The following GLIS3 variants were observed in gnomAD, a reference collection of about 807,000 sequenced individuals.
GLIS3 encodes zinc finger protein GLIS3.
In GLIS3, 53 loss-of-function variants were observed where a neutral mutation model predicts 78.6. The observed-to-expected ratio is 0.67, with a 90% CI of 0.54 to 0.85. GLIS3 has a LOEUF of 0.85. Among genes scored for constraint, GLIS3 ranks in the 40% least tolerant of loss-of-function variants. The pLI, the probability that GLIS3 is intolerant of heterozygous loss-of-function variation, is 0.00. For missense variants in GLIS3, 1,703 were observed against 1,231.1 expected (o/e 1.38, Z -5.74); for synonymous variants, 684 against 509.9 (o/e 1.34, Z -4.60).
intron 2 of GLIS3, among the ~76,000 whole-genome samples, chr9:4,140,452 G>A (rs1230098706): frequency 6.6e-6 from 1 of 152,164 alleles, no homozygotes; most frequent in African/African-American, 2.4e-5. Context: ...TCCATATTCT[G>A]CATGGGCTTG....
chr9:4,251,213 G>C lies in GLIS3; in HGVS notation c.388+34825C>G, dbSNP rs572767677. Among the ~76,000 whole-genome samples, 130 of 152,262 alleles carry C rather than the reference G, an allele frequency of 8.5e-4. 1 individual carries two copies. Among genetic ancestry groups the C allele is most frequent in the African/African-American group, 2.3e-3 (97 of 41,534 alleles). The stretch of plus-strand genomic sequence containing the variant: ...CTAATATTGGCAGTGTGCTGTTATA[G>C]TCTCCCACTACTATTATTTCGGACT... On this transcript the variant is annotated intron_variant, in intron 2 of 10. Coordinates refer to ENST00000381971, the MANE Select transcript of GLIS3 (RefSeq NM_001042413.2).
intron 5 of GLIS3, among the ~76,000 whole-genome samples, chr9:3,933,478 T>G (rs1825734531): frequency 1.3e-5 from 2 of 152,234 alleles, no homozygotes; most frequent in African/African-American, 4.8e-5. Context: ...CTATGACTCT[T>G]CAGTTGTGAG....
chr9:4,379,080 C>A, the GLIS3 span, among the ~76,000 whole-genome samples: 2 of 152,172 alleles, frequency 1.3e-5, no homozygotes, highest in Non-Finnish European at 1.5e-5. Context: ...TGCAGCCTCT[C>A]GGCCGTGTCG....
the GLIS3 span, among the ~76,000 whole-genome samples, chr9:4,368,545 G>A: frequency 6.6e-6 from 1 of 152,138 alleles, no homozygotes; most frequent in Non-Finnish European, 1.5e-5. Flanking sequence ...TAGAGACGGG[G>A]TTTCACCGTG....
chr9:4,339,532 G>C (rs530173132), intron 2 of GLIS3, among the ~76,000 whole-genome samples: 26 of 151,632 alleles, frequency 1.7e-4, no homozygotes, highest in South Asian at 6.3e-4. Context: ...AATAGGTGCA[G>C]AGGTTTGGAT....
At chr9:4,084,481 G>T (rs915587158) in intron 4 of GLIS3, among the ~76,000 whole-genome samples, 3 of 152,120 alleles carry the variant, frequency 2.0e-5, no homozygotes, top group Non-Finnish European at 4.4e-5. Flanking sequence ...AACAGCCACG[G>T]GAAAGGACTT....
chr9:4,052,074 A>C (rs1202074722), intron 4 of GLIS3, among the ~76,000 whole-genome samples: 2 of 152,232 alleles, frequency 1.3e-5, no homozygotes, highest in African/African-American at 4.8e-5. Flanking sequence ...AAAAGAATCA[A>C]TGGAGAGATG....
chr9:4,231,138 T>C (rs1019352286), intron 2 of GLIS3, among the ~76,000 whole-genome samples: 3 of 152,236 alleles, frequency 2.0e-5, no homozygotes, highest in South Asian at 2.1e-4. Context: ...AGCATCCATT[T>C]AAACAATTAT....
chr9:3,999,117 T>G (rs1284278925), intron 4 of GLIS3, among the ~76,000 whole-genome samples: 4 of 152,166 alleles, frequency 2.6e-5, no homozygotes, highest in Non-Finnish European at 4.4e-5. Flanking sequence ...GAAATATTCC[T>G]CATAATTTTA....
intron 2 of GLIS3, among the ~76,000 whole-genome samples, chr9:4,230,569 A>G (rs955607232): frequency 2.0e-5 from 3 of 152,184 alleles, no homozygotes; most frequent in African/African-American, 7.2e-5. Flanking sequence ...AAGTCTCAGG[A>G]AAAGAATTGA....
At chr9:3,918,968 G>C (rs1824696184) in intron 6 of GLIS3, among the ~76,000 whole-genome samples, 1 of 152,090 alleles carries the variant, frequency 6.6e-6, no homozygotes, top group South Asian at 2.1e-4. Context: ...AGAGCTCCTT[G>C]GGGTACTTAG....
At chr9:4,388,994 T>G in the GLIS3 span, among the ~76,000 whole-genome samples, 1 of 152,110 alleles carries the variant, frequency 6.6e-6, no homozygotes, top group Non-Finnish European at 1.5e-5. Flanking sequence ...CAATTGCTGA[T>G]TTTAAGGGGA....
At chr9:4,269,145 T>C (rs1445651362) in intron 2 of GLIS3, among the ~76,000 whole-genome samples, 2 of 152,218 alleles carry the variant, frequency 1.3e-5, no homozygotes, top group Non-Finnish European at 2.9e-5. Context: ...CAATCCTTCA[T>C]GTGAAACATG....
chr9:3,850,776 C>T (rs1019751523), intron 9 of GLIS3, among the ~76,000 whole-genome samples: 1 of 152,186 alleles, frequency 6.6e-6, no homozygotes, highest in Admixed American at 6.5e-5. Context: ...TCCAGCCATC[C>T]CTTTGACTCT....
At chr9:4,036,673 G>A (rs1016288777) in intron 4 of GLIS3, among the ~76,000 whole-genome samples, 5 of 152,076 alleles carry the variant, frequency 3.3e-5, no homozygotes, top group Non-Finnish European at 5.9e-5. Context: ...CCCAGCAAAC[G>A]GCGCATTACC....
chr9:4,177,325 G>A (rs903624641), intron 2 of GLIS3, among the ~76,000 whole-genome samples: 7 of 152,112 alleles, frequency 4.6e-5, no homozygotes, highest in African/African-American at 1.7e-4. Flanking sequence ...TACCAATATA[G>A]CAAAACAGGA....
intron 4 of GLIS3, among the ~76,000 whole-genome samples, chr9:4,064,985 C>T (rs777453178): frequency 6.6e-6 from 1 of 152,104 alleles, no homozygotes; most frequent in Non-Finnish European, 1.5e-5. Flanking sequence ...GGCAAACAGG[C>T]TTGAAAATTA....
the GLIS3 span, among the ~76,000 whole-genome samples, chr9:4,389,025 C>A: frequency 6.6e-6 from 1 of 152,132 alleles, no homozygotes; most frequent in Non-Finnish European, 1.5e-5. Context: ...AAAATCAAAG[C>A]AAGAGCACTT....
intron 4 of GLIS3, among the ~76,000 whole-genome samples, chr9:4,052,134 G>A (rs138313468): frequency 1.3e-5 from 2 of 152,098 alleles, no homozygotes; most frequent in Non-Finnish European, 2.9e-5. Context: ...TTATATTTTG[G>A]TAAGTCCATG....
Sources: allele counts gnomAD v4.1 joint callset (sites outside exome capture counted in the v4.1 genomes callset), GRCh38; gene constraint gnomAD v4.1.1; transcripts MANE v1.5; gene names NCBI Gene and HGNC (gene_info 2026-07-23, HGNC 2026-07-21).